The following STK10 variants were observed in gnomAD, a reference collection of about 807,000 sequenced individuals.
STK10 encodes the protein serine/threonine-protein kinase 10.
STK10 carries 78 observed loss-of-function variants against 113.8 expected under a neutral mutation model. The ratio of observed to expected loss-of-function variants is 0.69; its 90% CI spans 0.57 to 0.83. The LOEUF is 0.83. Among genes scored for constraint, STK10 ranks in the 40% least tolerant of loss-of-function variants. The pLI is 0.00. For missense variants in STK10, 1,109 were observed against 1,280.1 expected (o/e 0.87, Z 2.04); for synonymous variants, 465 against 494.7 (o/e 0.94, Z 0.80).
Position 172,188,204 on chromosome 5 carries a change from G to C in STK10, c.-162C>G. On this transcript the variant is annotated 5_prime_UTR_variant, in exon 1 of 19. Transcript: ENST00000176763. This position sits in a 1 kb window ranked among gnomAD's most constrained non-coding sequence, Gnocchi z 5.6. ...GCCCGACCTCGGTCAAGTGTGCCCT[G>C]GGCAGCGCCGCGCCGGGAGCACCCG... is the stretch of plus-strand genomic sequence containing the variant. 1 of 1,238,926 alleles carries C rather than the reference G, an allele frequency of 8.1e-7. No homozygotes were observed. Among genetic ancestry groups the C allele is most frequent in the South Asian group, 1.7e-5 (1 of 59,280 alleles). The allele number at this position is 1,238,926 out of a possible 1,614,324, so 76.7% of individuals were successfully genotyped here.
chr5:172,080,896 T>A lies in STK10; in HGVS notation c.1989+1430A>T, dbSNP rs148280774. Among the ~76,000 whole-genome samples the A allele has an allele frequency of 3.0e-4, 45 of 152,344 alleles. 1 individual carries two copies. The highest frequency in any genetic ancestry group is 1.1e-3 in the African/African-American group (45 of 41,580). ...CAATGTAGATGAAACAGCTTTCTGTTGGTAGAAAATGCCATCTAGGACTCT... is the reference window on the plus strand; with the variant it reads ...CAATGTAGATGAAACAGCTTTCTGTAGGTAGAAAATGCCATCTAGGACTCT... On this transcript the variant is annotated intron_variant, in intron 12 of 18. Transcript: ENST00000176763.
At chr5:172,115,456 C>T (rs548366314) in intron 4 of STK10, among the ~76,000 whole-genome samples, 10 of 152,108 alleles carry the variant, frequency 6.6e-5, no homozygotes, top group African/African-American at 1.9e-4. Flanking sequence ...GTCCTGGCAG[C>T]GTTAAGGGCC....
chr5:172,147,552 C>T (rs1452051245), intron 2 of STK10, among the ~76,000 whole-genome samples: 4 of 152,170 alleles, frequency 2.6e-5, no homozygotes, highest in Non-Finnish European at 4.4e-5. Context: ...TCACCATGCC[C>T]AGCTAATCTT....
chr5:172,072,327 C>T (rs1013476051), intron 12 of STK10, among the ~76,000 whole-genome samples: 1 of 151,726 alleles, frequency 6.6e-6, no homozygotes, highest in Admixed American at 6.6e-5. Context: ...AGTGCAGTGG[C>T]GCAATCTCGG....
chr5:172,093,760 G>C lies in STK10; in HGVS notation c.1206C>G (p.Asn402Lys). Residue 402 changes from asparagine to lysine, a missense_variant, in exon 9 of 19, where the codon AAC becomes AAG. Around this residue, in one of 5 missense-constraint regions of STK10, gnomAD observed 885 missense variants for 991.1 expected, o/e 0.89. Coordinates refer to ENST00000176763, the MANE Select transcript of STK10 (RefSeq NM_005990.4). This position sits in a 1 kb window ranked among gnomAD's most constrained non-coding sequence, Gnocchi z 4.1. ...GCAGGGGCACAGGCACTGCCAGGCC[G>C]TTCTCATTTCCAGGGGCCACGACTG... ...SPPVVAPGNENGLAVPVPLRK... is the reference protein window; with the variant it reads ...SPPVVAPGNEKGLAVPVPLRK... 2 of 1,611,370 alleles carry C rather than the reference G, an allele frequency of 1.2e-6. No individual in the cohort carries two copies. The highest frequency in any genetic ancestry group is 8.5e-7 in the Non-Finnish European group (1 of 1,177,718).
chr5:172,095,497 G>A lies in STK10; in HGVS notation c.1005+929C>T, dbSNP rs532908642. ...GCTCAGCCAGCCACTTCACTGTATC[G>A]ATCTCAGTTTTCCTGTCTGTAAGCT... is the stretch of plus-strand genomic sequence containing the variant. On this transcript the variant is annotated intron_variant, in intron 8 of 18. Transcript: ENST00000176763. Among the ~76,000 whole-genome samples the A allele has an allele frequency of 1.2e-4, 19 of 152,282 alleles. 1 individual carries two copies. The highest frequency in any genetic ancestry group is 9.2e-4 in the Admixed American group (14 of 15,298).
chr5:172,093,630 T>G lies in STK10; in HGVS notation c.1336A>C (p.Lys446Gln). 1 of 1,614,234 alleles carries G rather than the reference T, an allele frequency of 6.2e-7. No individual in the cohort carries two copies. Among genetic ancestry groups the G allele is most frequent in the Non-Finnish European group, 8.5e-7 (1 of 1,180,044 alleles). The change falls in exon 9 of 19, where the codon AAG becomes CAG. Residue 446 changes from lysine (K) to glutamine (Q), a missense_variant. Lys to Gln is a moderately conservative substitution (Grantham distance 53). Transcript: ENST00000176763. This position sits in a 1 kb window ranked among gnomAD's most constrained non-coding sequence, Gnocchi z 4.1. ...CTGTTGGGCCGGCTCTGGCTGGCCT[T>G]TTGAGATCTGTTGGCTGCTGGGCTG... ...DLSPAANRSQ[K>Q]ASQSRPNSSA...
At chr5:172,179,916 T>A (rs2113842512) in intron 1 of STK10, among the ~76,000 whole-genome samples, 1 of 152,204 alleles carries the variant, frequency 6.6e-6, no homozygotes, top group East Asian at 1.9e-4. Context: ...CTACCTCACT[T>A]AACCTGAGCT....
intron 3 of STK10, among the ~76,000 whole-genome samples, chr5:172,122,140 A>G (rs1483641357): frequency 6.6e-6 from 1 of 152,226 alleles, no homozygotes; most frequent in African/African-American, 2.4e-5. Context: ...TGCTGGGATC[A>G]CAGGTGTGAC....
chr5:172,127,995 G>C (rs1435442685), intron 2 of STK10, among the ~76,000 whole-genome samples: 1 of 152,200 alleles, frequency 6.6e-6, no homozygotes, highest in East Asian at 1.9e-4. Flanking sequence ...TCCTGGACTG[G>C]AAGCAGAGCT....
intron 4 of STK10, among the ~76,000 whole-genome samples, chr5:172,111,376 C>T (rs1223455384): frequency 6.6e-6 from 1 of 152,174 alleles, no homozygotes; most frequent in Non-Finnish European, 1.5e-5. Context: ...AGACGAGAAA[C>T]AGAAACCACC....
chr5:172,136,039 TAAAC>T (rs954119890), intron 2 of STK10, among the ~76,000 whole-genome samples: 7 of 135,592 alleles, frequency 5.2e-5, no homozygotes, highest in South Asian at 2.4e-4. Context: ...AATAAATAAA[TAAAC>T]AAACAAACAA....
intron 4 of STK10, among the ~76,000 whole-genome samples, chr5:172,112,155 A>G (rs1769250491): frequency 6.6e-6 from 1 of 152,250 alleles, no homozygotes; most frequent in Admixed American, 6.5e-5. Flanking sequence ...TCTCTAATAC[A>G]TTAATACATG....
At chr5:172,164,892 C>A (rs577719443) in intron 1 of STK10, among the ~76,000 whole-genome samples, 1 of 152,352 alleles carries the variant, frequency 6.6e-6, no homozygotes, top group Non-Finnish European at 1.5e-5. Context: ...CTTGGCCCAG[C>A]CTTCCACTGC....
At chr5:172,158,867 G>C (rs1035909024) in intron 1 of STK10, among the ~76,000 whole-genome samples, 4 of 152,102 alleles carry the variant, frequency 2.6e-5, no homozygotes, top group African/African-American at 9.7e-5. Flanking sequence ...GTAGAATAGA[G>C]GTTTCCAGGG....
chr5:172,167,744 T>C (rs1246679846), intron 1 of STK10, among the ~76,000 whole-genome samples: 2 of 152,212 alleles, frequency 1.3e-5, no homozygotes, highest in African/African-American at 4.8e-5. Context: ...ATTAGCCACA[T>C]TTCACGTGCC....
rs543991586 is a variant in STK10, at chr5:172,075,659, G to A, written c.1989+6667C>T. 7.9e-4 allele frequency among the ~76,000 whole-genome samples: 121 copies of A among 152,248 alleles called. 1 individual carries two copies. Among genetic ancestry groups the A allele is most frequent in the African/African-American group, 2.6e-3 (109 of 41,540 alleles). ...CGTGCCATTGCACTCCAGCCTGGGC[G>A]ACAAGAGCGAAACTCCATCTCAAGA... On this transcript the variant is annotated intron_variant, in intron 12 of 18. Transcript: ENST00000176763.
chr5:172,151,219 T>A (rs1770225431), intron 2 of STK10, among the ~76,000 whole-genome samples: 1 of 152,220 alleles, frequency 6.6e-6, no homozygotes, highest in South Asian at 2.1e-4. Flanking sequence ...ATTCTACAGT[T>A]GAGAAAACTG....
chr5:172,101,410 G>A (rs560199786), intron 7 of STK10, among the ~76,000 whole-genome samples: 1 of 151,722 alleles, frequency 6.6e-6, no homozygotes, highest in East Asian at 1.9e-4. Flanking sequence ...GGTGGAGGCT[G>A]CGGTAAGCCA....
Sources: allele counts gnomAD v4.1 joint callset (sites outside exome capture counted in the v4.1 genomes callset), GRCh38; gene constraint gnomAD v4.1.1; regional missense constraint gnomAD v4.1.1; non-coding constraint Gnocchi (gnomAD v3.1); transcripts MANE v1.5; gene names NCBI Gene and HGNC (gene_info 2026-07-23, HGNC 2026-07-21).